The following TSG101 variants were observed in gnomAD, a reference collection of about 807,000 sequenced individuals.
TSG101 encodes tumor susceptibility gene 101 protein.
A neutral mutation model predicts 48.5 loss-of-function variants in TSG101; 19 were observed. That is an observed-to-expected ratio of 0.39 (90% CI 0.27 to 0.58). The LOEUF (loss-of-function observed/expected upper bound fraction) is 0.58, where lower values mean the gene tolerates loss of function less well. TSG101 is among the 20% of genes least tolerant of loss of function. The probability of loss-of-function intolerance (pLI) is 0.55; values close to 1 mark genes in which losing one functional copy is unlikely to be tolerated. For synonymous variants in TSG101, 174 were observed against 169.4 expected (o/e 1.03, Z -0.21); for missense variants, 365 against 484.4 (o/e 0.75, Z 2.31).
intron 1 of TSG101, among the ~76,000 whole-genome samples, chr11:18,521,085 T>A (rs1850265757): frequency 6.6e-6 from 1 of 152,002 alleles, no homozygotes; most frequent in Admixed American, 6.6e-5. Flanking sequence ...TCTGGTAAGA[T>A]CACTTCATAG....
At position 18,522,073 on chromosome 11, in the gene TSG101, C is replaced by T. The variant is rs144099782; in HGVS notation, c.43-2470G>A. On this transcript the variant is annotated intron_variant, in intron 1 of 9. Coordinates refer to ENST00000251968, the MANE Select transcript of TSG101 (RefSeq NM_006292.4). ...TGCCTTCTCAGTCTCTTTGCTGGTT[C>T]GTTCTCTTATCCTAACCAATTATTA... Among the ~76,000 whole-genome samples the T allele has an allele frequency of 2.3e-3, 348 of 152,290 alleles. 1 individual carries two copies. The highest frequency in any genetic ancestry group is 7.8e-3 in the African/African-American group (324 of 41,552).
chr11:18,483,379 C>A (rs917716178), intron 8 of TSG101, among the ~76,000 whole-genome samples: 3 of 151,772 alleles, frequency 2.0e-5, no homozygotes, highest in Admixed American at 2.0e-4. Flanking sequence ...ACCTGTAATC[C>A]CAGCTACTCA....
At chr11:18,500,094 T>C (rs576881168) in intron 7 of TSG101, among the ~76,000 whole-genome samples, 8 of 152,206 alleles carry the variant, frequency 5.3e-5, no homozygotes, top group Non-Finnish European at 1.0e-4. Flanking sequence ...ATGAGAACAT[T>C]TGATATTTGT....
chr11:18,492,435 T>G (rs1849711879), intron 7 of TSG101, among the ~76,000 whole-genome samples: 1 of 152,254 alleles, frequency 6.6e-6, no homozygotes, highest in African/African-American at 2.4e-5. Flanking sequence ...TCTGGTCTAA[T>G]GGGTCAAATT....
chr11:18,523,320 C>T (rs1850310285), intron 1 of TSG101, among the ~76,000 whole-genome samples: 1 of 152,136 alleles, frequency 6.6e-6, no homozygotes, highest in Non-Finnish European at 1.5e-5. Context: ...TTCTTCCCTG[C>T]TTTATTTTCT....
intron 5 of TSG101, among the ~76,000 whole-genome samples, chr11:18,508,221 C>CT (rs528297285): frequency 0.18 from 24,112 of 135,902 alleles, 2,280 homozygotes; most frequent in East Asian, 0.26. Context: ...TATTTGATAT[C>CT]TTTTTTTTTT....
intron 1 of TSG101, 93 bp downstream of exon 1, chr11:18,526,682 G>A: frequency 6.8e-7 from 1 of 1,475,816 alleles, no homozygotes; most frequent in Non-Finnish European, 9.1e-7. Flanking sequence ...CGGCCCGTCT[G>A]GGAAGCTTGC....
chr11:18,512,682 A>T (rs144489961), intron 4 of TSG101, among the ~76,000 whole-genome samples: 2 of 151,294 alleles, frequency 1.3e-5, no homozygotes, highest in Admixed American at 6.6e-5. Context: ...TGGCAGGCAG[A>T]CAGTCAGGAT....
chr11:18,480,751 C>A, intron 9 of TSG101, 116 bp from the exon 10 acceptor site: 1 of 844,056 alleles, frequency 1.2e-6, no homozygotes, highest in African/African-American at 1.7e-5. Flanking sequence ...GACCTGCCAA[C>A]CTTTGGAATG....
chr11:18,499,404 T>TATATATATATATATATATA (rs1372786271), intron 7 of TSG101, among the ~76,000 whole-genome samples: 1 of 5,130 alleles, frequency 1.9e-4, no homozygotes, highest in African/African-American at 5.0e-4. Context: ...ATATATATAT[T>TATATATATATATATATATA]TTTTTTTTTT....
intron 8 of TSG101, among the ~76,000 whole-genome samples, chr11:18,482,566 A>G (rs1849557173): frequency 6.6e-6 from 1 of 152,346 alleles, no homozygotes; most frequent in Middle Eastern, 3.4e-3. Context: ...TGGCACTTCA[A>G]TTATGCTGAT....
At chr11:18,520,678 G>A (rs1850255542) in intron 1 of TSG101, among the ~76,000 whole-genome samples, 1 of 152,140 alleles carries the variant, frequency 6.6e-6, no homozygotes, top group South Asian at 2.1e-4. Flanking sequence ...TATCCCTTTA[G>A]TATAGTTTCA....
At position 18,488,015 on chromosome 11, in the gene TSG101, C is replaced by G. The variant is rs79078017; in HGVS notation, c.641-3943G>C. ...ATACACAAACCTAGTACATCAGTAA[C>G]AGGATTTTTCTTTTTTGCTATACTA... On this transcript the variant is annotated intron_variant, in intron 7 of 9. Coordinates refer to ENST00000251968, the MANE Select transcript of TSG101 (RefSeq NM_006292.4). 1.4e-3 allele frequency among the ~76,000 whole-genome samples: 210 copies of G among 152,270 alleles called. 1 individual carries two copies. Among genetic ancestry groups the G allele is most frequent in the African/African-American group, 4.6e-3 (191 of 41,556 alleles).
In TSG101 at chr11:18,482,014, T is replaced by G. The variant is rs564246044; in HGVS notation, c.844-145A>C. On this transcript the variant is annotated intron_variant, in intron 8 of 9. Coordinates refer to ENST00000251968, the MANE Select transcript of TSG101 (RefSeq NM_006292.4). Reference sequence around the variant, plus strand: ...AATAATGTTTCAAATAACACCCTGGTCAAAGGTAGAGGAAAAGATGTGATC... The same window carrying G: ...AATAATGTTTCAAATAACACCCTGGGCAAAGGTAGAGGAAAAGATGTGATC... 13 of 1,164,482 alleles carry G rather than the reference T, an allele frequency of 1.1e-5. No homozygotes were observed. In the East Asian group the frequency reaches 2.4e-4, roughly 22 times the overall value. The allele number at this position is 1,164,482 out of a possible 1,614,324, so 72.1% of individuals were successfully genotyped here. A position where few individuals can be genotyped will look rare whatever the true frequency, so the allele number is the denominator to read the frequency against.
At chr11:18,511,657 A>G (rs1280978403) in intron 4 of TSG101, among the ~76,000 whole-genome samples, 1 of 152,206 alleles carries the variant, frequency 6.6e-6, no homozygotes, top group Non-Finnish European at 1.5e-5. Context: ...CACATCCCAT[A>G]AACTTTCTCC....
chr11:18,506,793 T>A, intron 6 of TSG101, 64 bp downstream of exon 6: 1 of 1,363,316 alleles, frequency 7.3e-7, no homozygotes, highest in Non-Finnish European at 9.9e-7. Flanking sequence ...TAGCAAATTA[T>A]TTTGATTCTA....
Position 18,509,571 on chromosome 11 carries a change from G to C in TSG101, c.452C>G (p.Pro151Arg). 6.2e-7 allele frequency: 1 copy of C among 1,613,722 alleles called. No homozygotes were observed. Among genetic ancestry groups the C allele is most frequent in the Non-Finnish European group, 8.5e-7 (1 of 1,179,738 alleles). ...TGGTGGCCCCGTTGCCTGGTATGGC[G>C]GATAGGATGCCGAAATAGGACGAGA... ...VFSRPISASY[P>R]PYQATGPPNT... Residue 151 changes from proline (P) to arginine (R), a missense_variant, in exon 5 of 10, where the codon CCG (proline) becomes CGG (arginine). Pro to Arg is a moderately radical substitution (Grantham distance 103). Transcript: ENST00000251968.
intron 7 of TSG101, 100 bp downstream of exon 7, chr11:18,502,385 GA>G (rs1297952044): frequency 1.7e-5 from 15 of 865,478 alleles, no homozygotes; most frequent in Non-Finnish European, 2.6e-5. Context: ...TTTCCTCTAA[GA>G]AGAAAGAGTA....
chr11:18,516,777 A>G (rs904823139), intron 2 of TSG101, among the ~76,000 whole-genome samples: 9 of 151,758 alleles, frequency 5.9e-5, no homozygotes, highest in African/African-American at 2.2e-4. Context: ...CCCCATCTCT[A>G]CTAAAAATAC....
Sources: gnomAD v4.1 joint callset for allele counts (sites outside exome capture counted in the v4.1 genomes callset) on GRCh38, gnomAD v4.1.1 for gene constraint, MANE v1.5 for transcripts, NCBI Gene and HGNC (gene_info 2026-07-23, HGNC 2026-07-21) for gene names.